Variants in EIF4E2 observed in about 807,000 individuals in gnomAD.
The protein encoded by EIF4E2 is eukaryotic translation initiation factor 4E type 2.
Under a neutral mutation model 34.2 loss-of-function variants are expected in EIF4E2, and 13 were observed. That is an observed-to-expected ratio of 0.38 (90% CI 0.25 to 0.60). EIF4E2 has a LOEUF of 0.60. Ranked by LOEUF, EIF4E2 falls within the 20% of genes least tolerant of loss-of-function variation. The pLI, the probability that EIF4E2 is intolerant of heterozygous loss-of-function variation, is 0.62. For synonymous variants in EIF4E2, 100 were observed against 106.6 expected, an observed-to-expected ratio of 0.94 and a Z score of 0.38; for missense variants, 222 against 315.1, an observed-to-expected ratio of 0.70 and a Z score of 2.24.
chr2:232,551,126 A>T, intron 1 of EIF4E2: 1 of 569,130 alleles, frequency 1.8e-6, no homozygotes, highest in South Asian at 1.5e-5. Context: ...AGCTTTCCCC[A>T]CACACTCCCT....
chr2:232,557,665 G>A, intron 2 of EIF4E2: 1 of 554,134 alleles, frequency 1.8e-6, no homozygotes, highest in East Asian at 3.0e-5. Context: ...AAGTTACAAA[G>A]GCCATAAGAA....
In EIF4E2 at chr2:232,559,413, C is replaced by CT. The variant is rs576374288; in HGVS notation, c.270+1403dup. Among the ~76,000 whole-genome samples, 1,170 of 147,782 alleles carry CT rather than the reference C, an allele frequency of 7.9e-3. 16 individuals carry two copies. Among genetic ancestry groups the CT allele is most frequent in the African/African-American group, 0.028 (1,122 of 39,474 alleles). On this transcript the variant is annotated intron_variant, in intron 3 of 6. Coordinates refer to ENST00000258416, the MANE Select transcript of EIF4E2 (RefSeq NM_004846.4). ...TTTTCTCCAACAGTCTTGCATATTA[C>CT]TTTTTTTTAAAGTGCTTTGGTTTGA...
At chr2:232,572,829 G>T (rs1237472235), downstream of EIF4E2, among the ~76,000 whole-genome samples, 1 of 152,224 alleles carries the variant, frequency 6.6e-6, no homozygotes, top group East Asian at 1.9e-4. Flanking sequence ...GTGTAGGCTA[G>T]TGTAAGGATG....
Position 232,557,338 on chromosome 2 carries a change from A to G in EIF4E2, c.136-546A>G, listed in dbSNP as rs1312449146. Among the ~76,000 whole-genome samples, 3 of 152,280 alleles carry G rather than the reference A, an allele frequency of 2.0e-5. No individual in the cohort carries two copies. In the East Asian group the frequency reaches 5.8e-4, roughly 29 times the overall value. The stretch of plus-strand genomic sequence containing the variant: ...AAGGGTTACTAGCATTTTATGCTAG[A>G]TGCTAAGAGGACACAAAGGTGAATG... On this transcript the variant is annotated intron_variant, in intron 2 of 6. Transcript: ENST00000258416.
In EIF4E2 at chr2:232,577,752, T is replaced by C. The variant is rs531942308; in HGVS notation, c.666-3152T>C. Among the ~76,000 whole-genome samples the C allele has an allele frequency of 5.3e-5, 8 of 152,276 alleles. No individual in the cohort carries two copies. The East Asian group carries it at 5.8e-4, about 11-fold the overall frequency. ...ATAATTCTTTTTTTTTCTTCCAGCA[T>C]TGTGGGACTGTCAGCTTCTGTGTCC... is the stretch of plus-strand genomic sequence containing the variant. On this transcript the variant is annotated intron_variant, in intron 6 of 6. Coordinates refer to the EIF4E2 transcript ENST00000409098.
chr2:232,563,023 C>T (rs1247092312), intron 3 of EIF4E2, among the ~76,000 whole-genome samples: 1 of 152,212 alleles, frequency 6.6e-6, no homozygotes, highest in Non-Finnish European at 1.5e-5. Context: ...GCTGATTTCT[C>T]CTTAGGTGCT....
At chr2:232,579,288 C>T (rs1162617314) in intron 6 of EIF4E2, among the ~76,000 whole-genome samples, 1 of 152,140 alleles carries the variant, frequency 6.6e-6, no homozygotes, top group East Asian at 1.9e-4. Flanking sequence ...TACCATTAGC[C>T]TTTTAAAAAG....
chr2:232,556,050 G>A (rs879336725), intron 1 of EIF4E2, among the ~76,000 whole-genome samples: 8 of 152,154 alleles, frequency 5.3e-5, no homozygotes, highest in Non-Finnish European at 5.9e-5. Context: ...CAGATAGTAC[G>A]TTTTTAACCT....
At chr2:232,557,573 G>T (rs999653217) in intron 2 of EIF4E2, 5 of 266,274 alleles carry the variant, frequency 1.9e-5, no homozygotes, top group African/African-American at 8.9e-5. Context: ...TGACAGTGAT[G>T]AATCTCATAG....
Position 232,552,243 on chromosome 2 carries a change from G to A in EIF4E2, c.20+1499G>A, listed in dbSNP as rs182346591. The stretch of plus-strand genomic sequence containing the variant: ...TATATATTTTTTGAGACAGGGTCTC[G>A]CTGTGTCACCCTGGCTGGAGTGCAG... On this transcript the variant is annotated intron_variant, in intron 1 of 6. Coordinates refer to ENST00000258416, the MANE Select transcript of EIF4E2 (RefSeq NM_004846.4). Among the ~76,000 whole-genome samples the A allele has an allele frequency of 2.0e-3, 310 of 151,986 alleles. 1 individual carries two copies. The highest frequency in any genetic ancestry group is 6.9e-3 in the African/African-American group (284 of 41,422).
chr2:232,574,566 G>A (rs1353026414), intron 6 of EIF4E2, among the ~76,000 whole-genome samples: 1 of 152,204 alleles, frequency 6.6e-6, no homozygotes, highest in African/African-American at 2.4e-5. Flanking sequence ...TCTGGAAAAT[G>A]AGGCTCCATG....
At chr2:232,582,052 A>C (rs1359561060) in exon 7 of EIF4E2, 1 of 152,532 alleles carries the variant, frequency 6.6e-6, no homozygotes, top group African/African-American at 2.4e-5. Flanking sequence ...AGACTGCTGC[A>C]GGCATGCTTT....
At chr2:232,574,411 T>G in intron 6 of EIF4E2, 1 of 1,491,880 alleles carries the variant, frequency 6.7e-7, no homozygotes, top group Non-Finnish European at 9.1e-7. Context: ...TCTTCCCATT[T>G]ACCCCCAAAC....
In EIF4E2 at chr2:232,551,927, C is replaced by T. The variant is rs564854869; in HGVS notation, c.20+1183C>T. Among the ~76,000 whole-genome samples the T allele has an allele frequency of 3.9e-5, 6 of 152,236 alleles. No homozygotes were observed. In the South Asian group the frequency reaches 1.0e-3, roughly 26 times the overall value. On this transcript the variant is annotated intron_variant, in intron 1 of 6. Coordinates refer to ENST00000258416, the MANE Select transcript of EIF4E2 (RefSeq NM_004846.4). ...AGTCTTTGCCCGACCTCTTCTCTAT[C>T]CTGCTGTTTAACTGAGCCTGTCCCT...
Position 232,581,483 on chromosome 2 carries a change from TGTGATGACTGTCCAG to T in EIF4E2, c.*542_*556del. 3.6e-6 allele frequency: 1 copy of T among 276,028 alleles called. No homozygotes were observed. The highest frequency in any genetic ancestry group is 7.0e-6 in the Non-Finnish European group (1 of 142,332). 17.1% of individuals were successfully genotyped at this position (276,028 alleles called of 1,614,324 possible). A position where few individuals can be genotyped will look rare whatever the true frequency, so the allele number is the denominator to read the frequency against. ...CCACTTTCTGAAGCTGTGTTACTGA[TGTGATGACTGTCCAG>T]GATTTTGTATCATCCCCTGCCTTAT... On this transcript the variant is annotated 3_prime_UTR_variant, in exon 7 of 7. Coordinates refer to the EIF4E2 transcript ENST00000409098. This position sits in a 1 kb window ranked among gnomAD's most constrained non-coding sequence, Gnocchi z 5.2.
Position 232,556,546 on chromosome 2 carries a change from A to G in EIF4E2, c.135+16A>G. The G allele has an allele frequency of 6.4e-7, 1 of 1,566,226 alleles. No homozygotes were observed. The highest frequency in any genetic ancestry group is 8.7e-7 in the Non-Finnish European group (1 of 1,145,284). On this transcript the variant is annotated intron_variant, in intron 2 of 6. Coordinates refer to ENST00000258416, the MANE Select transcript of EIF4E2 (RefSeq NM_004846.4). Reference sequence around the variant, plus strand: ...CAAGAGAAAGGTGAGTGTTGGCTGCACAGATGTAGTTGCCTTTGAACTTGA... The same window carrying G: ...CAAGAGAAAGGTGAGTGTTGGCTGCGCAGATGTAGTTGCCTTTGAACTTGA...
chr2:232,553,213 G>A (rs539943310), intron 1 of EIF4E2, among the ~76,000 whole-genome samples: 10 of 65,156 alleles, frequency 1.5e-4, no homozygotes, highest in African/African-American at 5.6e-4. Context: ...TATTGATAAC[G>A]TAAAACCGTA....
intron 6 of EIF4E2, 46 bp from the exon 7 acceptor site, chr2:232,568,899 C>T (rs1037978219): frequency 1.9e-6 from 3 of 1,613,072 alleles, no homozygotes; most frequent in African/African-American, 1.3e-5. Flanking sequence ...CTTGCGTCCC[C>T]CTCTCTTTCC....
chr2:232,550,780 C>G (rs1322193852), intron 1 of EIF4E2, 36 bp downstream of exon 1: 6 of 1,541,204 alleles, frequency 3.9e-6, no homozygotes, highest in Non-Finnish European at 5.2e-6. Flanking sequence ...GGCCCCTTCC[C>G]CGAACAGTTC....
Sources: allele counts gnomAD v4.1 joint callset (sites outside exome capture counted in the v4.1 genomes callset), GRCh38; gene constraint gnomAD v4.1.1; non-coding constraint Gnocchi (gnomAD v3.1); transcripts MANE v1.5; gene names NCBI Gene and HGNC (gene_info 2026-07-23, HGNC 2026-07-21).